Variants in EPHB1 observed in about 807,000 individuals in gnomAD.
EPHB1 encodes the protein EPH receptor B1.
Under a neutral mutation model 94.4 loss-of-function variants are expected in EPHB1, and 30 were observed. The ratio of observed to expected loss-of-function variants is 0.32; its 90% CI spans 0.24 to 0.43. The LOEUF (loss-of-function observed/expected upper bound fraction) is 0.43. EPHB1 is among the 20% of genes least tolerant of loss of function. EPHB1 has a pLI of 1.00. For missense variants in EPHB1, 1,055 were observed against 1,308.3 expected (o/e 0.81, Z 2.99); for synonymous variants, 522 against 489.1 (o/e 1.07, Z -0.89).
chr3:134,964,595 C>A (rs1190938800), intron 3 of EPHB1, among the ~76,000 whole-genome samples: 1 of 152,142 alleles, frequency 6.6e-6, no homozygotes, highest in Non-Finnish European at 1.5e-5. Context: ...GGGAATTAGG[C>A]GATTTCAGGG....
chr3:134,941,943 C>G (rs1318472749), intron 2 of EPHB1, among the ~76,000 whole-genome samples: 1 of 152,184 alleles, frequency 6.6e-6, no homozygotes, highest in Non-Finnish European at 1.5e-5. Flanking sequence ...TCTCATACAT[C>G]AAAGTCATGA....
chr3:134,898,111 T>C (rs2038121634), intron 1 of EPHB1, among the ~76,000 whole-genome samples: 1 of 152,148 alleles, frequency 6.6e-6, no homozygotes, highest in Non-Finnish European at 1.5e-5. Context: ...AGAGGGACCT[T>C]ACCCTAGGTG....
intron 12 of EPHB1, among the ~76,000 whole-genome samples, chr3:135,230,346 A>G (rs1346819673): frequency 6.6e-6 from 1 of 152,088 alleles, no homozygotes; most frequent in East Asian, 1.9e-4. Context: ...CCTGCTTACT[A>G]CATTCCTGAT....
intron 12 of EPHB1, among the ~76,000 whole-genome samples, chr3:135,216,638 G>A (rs1943154080): frequency 6.8e-6 from 1 of 147,984 alleles, no homozygotes; most frequent in Admixed American, 6.9e-5. Context: ...CATGAGAATT[G>A]CTTGAACCCA....
chr3:135,168,876 G>C (rs975360674), intron 9 of EPHB1, among the ~76,000 whole-genome samples: 1 of 152,176 alleles, frequency 6.6e-6, no homozygotes, highest in Non-Finnish European at 1.5e-5. Flanking sequence ...ATCTCACTTC[G>C]AAGTCAAGAG....
At chr3:135,165,931 C>T (rs1344352964) in intron 7 of EPHB1, 37 bp from the exon 8 acceptor site, 1 of 1,507,792 alleles carries the variant, frequency 6.6e-7, no homozygotes, top group Non-Finnish European at 9.2e-7. Context: ...ATGCAAAAGG[C>T]ACATGGGGAG....
At chr3:134,905,394 T>C (rs1238882306) in intron 1 of EPHB1, among the ~76,000 whole-genome samples, 3 of 152,202 alleles carry the variant, frequency 2.0e-5, no homozygotes, top group Non-Finnish European at 2.9e-5. Flanking sequence ...TCCACACATT[T>C]CTCTTGTCAC....
chr3:134,989,796 T>C (rs1197272699), intron 3 of EPHB1, among the ~76,000 whole-genome samples: 1 of 152,210 alleles, frequency 6.6e-6, no homozygotes, highest in East Asian at 1.9e-4. Context: ...TCCTGGAAGA[T>C]TATTTTAAGA....
intron 10 of EPHB1, among the ~76,000 whole-genome samples, chr3:135,182,925 A>G (rs1472906183): frequency 6.6e-6 from 1 of 152,100 alleles, no homozygotes; most frequent in Non-Finnish European, 1.5e-5. Context: ...GGCAAATGCT[A>G]CAAATCCTGA....
intron 12 of EPHB1, among the ~76,000 whole-genome samples, chr3:135,205,037 C>T (rs761155863): frequency 1.3e-5 from 2 of 148,908 alleles, no homozygotes; most frequent in Non-Finnish European, 3.0e-5. Flanking sequence ...TAAGTGAGAA[C>T]ATTTAATGTT....
rs1275515738 is a variant in EPHB1, at chr3:134,888,907, AGGG to A, written c.59-36907_59-36905del. Among the ~76,000 whole-genome samples the A allele has an allele frequency of 5.0e-3, 754 of 150,910 alleles. 6 individuals carry two copies. The highest frequency in any genetic ancestry group is 0.03 in the South Asian group (140 of 4,600). ...CTGGAGCTTCAAAGAGTGCTCTGGA[AGGG>A]GAGGGGGGCCCTGCAAAAGTTCTGA... On this transcript the variant is annotated intron_variant, in intron 1 of 15. Coordinates refer to ENST00000398015, the MANE Select transcript of EPHB1 (RefSeq NM_004441.5).
chr3:135,188,122 G>A (rs770327934), intron 10 of EPHB1, among the ~76,000 whole-genome samples: 29 of 143,546 alleles, frequency 2.0e-4, no homozygotes, highest in Admixed American at 6.9e-4. Context: ...TCTCTTGAAC[G>A]TGGGAAGTGG....
intron 3 of EPHB1, among the ~76,000 whole-genome samples, chr3:135,086,351 T>A (rs1249304760): frequency 6.6e-6 from 1 of 151,614 alleles, no homozygotes; most frequent in Non-Finnish European, 1.5e-5. Context: ...GGGAGGGTGT[T>A]CCTGAAACAT....
chr3:134,838,272 T>G (rs1010762459), intron 1 of EPHB1, among the ~76,000 whole-genome samples: 4 of 152,156 alleles, frequency 2.6e-5, no homozygotes, highest in Non-Finnish European at 5.9e-5. Context: ...CCCTAAGAGA[T>G]AATTTAATCT....
chr3:135,021,676 G>C (rs1413133128), intron 3 of EPHB1, among the ~76,000 whole-genome samples: 1 of 151,820 alleles, frequency 6.6e-6, no homozygotes, highest in African/African-American at 2.4e-5. Context: ...TTATTGCCCT[G>C]GTCTGATCTT....
chr3:134,920,565 T>A (rs148708548), intron 1 of EPHB1, among the ~76,000 whole-genome samples: 102 of 152,296 alleles, frequency 6.7e-4, no homozygotes, highest in Non-Finnish European at 9.7e-4. Context: ...GTATATGTTG[T>A]ATTTTGTTAC....
At chr3:135,054,669 A>G (rs1937296735) in intron 3 of EPHB1, among the ~76,000 whole-genome samples, 1 of 152,198 alleles carries the variant, frequency 6.6e-6, no homozygotes, top group Admixed American at 6.5e-5. Context: ...GGATCTTCAC[A>G]GATTTATTAT....
At chr3:135,029,343 A>G (rs1936325962) in intron 3 of EPHB1, among the ~76,000 whole-genome samples, 1 of 151,758 alleles carries the variant, frequency 6.6e-6, no homozygotes, top group Admixed American at 6.6e-5. Flanking sequence ...TTTTGGCATG[A>G]TTTTGCAGCA....
intron 3 of EPHB1, among the ~76,000 whole-genome samples, chr3:134,958,880 G>T (rs957318031): frequency 6.6e-6 from 1 of 152,132 alleles, no homozygotes; most frequent in Non-Finnish European, 1.5e-5. Context: ...GGGAGTTCTG[G>T]GTTCCAAACC....
Sources: allele counts gnomAD v4.1 joint callset (sites outside exome capture counted in the v4.1 genomes callset), GRCh38; gene constraint gnomAD v4.1.1; transcripts MANE v1.5; gene names NCBI Gene and HGNC (gene_info 2026-07-23, HGNC 2026-07-21).